NDC80: variants seen among roughly 807,000 people sequenced by gnomAD.
NDC80 encodes the protein kinetochore protein NDC80 homolog.
In NDC80, 69 loss-of-function variants were observed where a neutral mutation model predicts 89.3. The ratio of observed to expected loss-of-function variants is 0.77; its 90% CI spans 0.64 to 0.94. NDC80 has a LOEUF of 0.94. Ranked by LOEUF, NDC80 falls within the 40% of genes least tolerant of loss-of-function variation. NDC80 has a pLI of 0.00. For missense variants in NDC80, 593 were observed against 739.6 expected (o/e 0.80, Z 2.30); for synonymous variants, 243 against 255.6 (o/e 0.95, Z 0.47).
intron 6 of NDC80, among the ~76,000 whole-genome samples, chr18:2,584,287 CAAA>C (rs11297697): frequency 1.0e-5 from 1 of 98,410 alleles, no homozygotes; most frequent in Non-Finnish European, 2.2e-5. Context: ...GACTCCGTCT[CAAA>C]AAAAAAAAAA....
chr18:2,610,870 GT>G lies in NDC80; in HGVS notation c.1791+10del, dbSNP rs772946527. 2 of 1,459,776 alleles carry G rather than the reference GT, an allele frequency of 1.4e-6. No homozygotes were observed. The highest frequency in any genetic ancestry group is 4.0e-5 in the Admixed American group (2 of 49,800). The allele number at this position is 1,459,776 out of a possible 1,614,324, so 90.4% of individuals were successfully genotyped here. On this transcript the variant is annotated intron_variant, in intron 16 of 16. Coordinates refer to ENST00000261597, the MANE Select transcript of NDC80 (RefSeq NM_006101.3). ...ATGTTGGGTCTGTAGAGGTAAGTAT[GT>G]GATGGTCTTTCCTACGTTCTAAGAA...
chr18:2,590,913 G>GTT (rs11452425), intron 10 of NDC80, among the ~76,000 whole-genome samples: 9 of 151,830 alleles, frequency 5.9e-5, no homozygotes, highest in Admixed American at 1.3e-4. Flanking sequence ...AGATTCTTTT[G>GTT]TTTTTTTTGA....
chr18:2,587,803 G>C, intron 7 of NDC80, 27 bp from the exon 8 acceptor site: 1 of 1,562,896 alleles, frequency 6.4e-7, no homozygotes, highest in Non-Finnish European at 8.8e-7. Context: ...TCATAACTTT[G>C]TTTCTAAAAT....
In NDC80 at chr18:2,590,087, A is replaced by G. The variant is rs144356414; in HGVS notation, c.940A>G (p.Met314Val). ...AGATGTTCAAAAGTATCAGGCATAC[A>G]TGAGCAATTTGGAGTCTCATTCAGC... ...QGDVQKYQAY[M>V]SNLESHSAIL... Residue 314 changes from methionine (M) to valine (V), a missense_variant, in exon 10 of 17, where the codon ATG becomes GTG. Transcript: ENST00000261597. 1.7e-5 allele frequency: 28 copies of G among 1,612,912 alleles called. No homozygotes were observed. The Admixed American group carries it at 2.0e-4, about 12-fold the overall frequency.
chr18:2,595,349 C>A, intron 10 of NDC80, 67 bp from the exon 11 acceptor site: 3 of 1,086,370 alleles, frequency 2.8e-6, no homozygotes, highest in Non-Finnish European at 4.1e-6. Context: ...AGCTCTATTA[C>A]ATGATGGCAT....
In NDC80 at chr18:2,589,845, A is replaced by G. The variant is rs542560195; in HGVS notation, c.871-173A>G. On this transcript the variant is annotated intron_variant, in intron 9 of 16. Coordinates refer to ENST00000261597, the MANE Select transcript of NDC80 (RefSeq NM_006101.3). ...GCAATTGTGGTTTTTTTTTTTTTCT[A>G]TTTCAAACTGACAGTGTAGTCCCCT... 3.5e-5 allele frequency among the ~76,000 whole-genome samples: 5 copies of G among 141,354 alleles called. No individual in the cohort carries two copies. The South Asian group carries it at 1.1e-3, about 32-fold the overall frequency. The allele number at this position is 141,354 out of a possible 152,430, so 92.7% of individuals were successfully genotyped here.
chr18:2,586,717 G>A (rs1448259761), intron 7 of NDC80, among the ~76,000 whole-genome samples: 1 of 80,670 alleles, frequency 1.2e-5, no homozygotes, highest in East Asian at 3.7e-4. Flanking sequence ...GTGACAAAGT[G>A]AGACCCTGTC....
In NDC80 at chr18:2,610,766, C is replaced by G. The variant is rs190623140; in HGVS notation, c.1696C>G (p.Leu566Val). 5 of 1,586,514 alleles carry G rather than the reference C, an allele frequency of 3.2e-6. No individual in the cohort carries two copies. Among genetic ancestry groups the G allele is most frequent in the African/African-American group, 2.7e-5 (2 of 74,324 alleles). ...AGAGTTTTTGTTCTACAGATACCAA[C>G]TAGTTGTGCAAACCACGACTGAAGA... Reference protein sequence around the residue: ...ELDAVQREYQLVVQTTTEERR... With the variant: ...ELDAVQREYQVVVQTTTEERR... Residue 566 changes from leucine to valine, a missense_variant, in exon 16 of 17, where the codon CTA (leucine) becomes GTA (valine). Coordinates refer to ENST00000261597, the MANE Select transcript of NDC80 (RefSeq NM_006101.3).
intron 10 of NDC80, among the ~76,000 whole-genome samples, chr18:2,590,550 T>C (rs901443517): frequency 6.6e-6 from 1 of 152,198 alleles, no homozygotes; most frequent in Non-Finnish European, 1.5e-5. Context: ...TGTACTCTAC[T>C]ACCTGTGTGA....
chr18:2,586,426 A>T (rs2072603344), intron 7 of NDC80, among the ~76,000 whole-genome samples: 2 of 152,144 alleles, frequency 1.3e-5, no homozygotes. Context: ...ACATTACAAC[A>T]TCTATTAAGT....
chr18:2,583,079 A>G (rs1255896088), intron 6 of NDC80, among the ~76,000 whole-genome samples: 2 of 152,220 alleles, frequency 1.3e-5, no homozygotes, highest in Non-Finnish European at 2.9e-5. Context: ...ATGTTTCACA[A>G]TATTAAGAAG....
chr18:2,587,883 C>T lies in NDC80; in HGVS notation c.723C>T (p.Asp241=), dbSNP rs575194732. ...KCYESFMSGA[D]SFDEMNAELQ... is the part of the protein sequence containing the mutation. ...ATGAGAGTTTTATGAGTGGTGCCGA[C>T]AGCTTTGATGAGATGAATGCAGAGC... The change falls in exon 8 of 17, where the codon GAC becomes GAT. Residue 241 remains aspartate, a synonymous_variant. Transcript: ENST00000261597. 3 of 1,613,816 alleles carry T rather than the reference C, an allele frequency of 1.9e-6. No homozygotes were observed. In the African/African-American group the frequency reaches 4.0e-5, roughly 22 times the overall value.
Position 2,608,351 on chromosome 18 carries a change from G to A in NDC80, c.1558-349G>A, listed in dbSNP as rs149826536. Among the ~76,000 whole-genome samples, 285 of 151,916 alleles carry A rather than the reference G, an allele frequency of 1.9e-3. 1 individual carries two copies. The highest frequency in any genetic ancestry group is 6.5e-3 in the African/African-American group (269 of 41,462). On this transcript the variant is annotated intron_variant, in intron 14 of 16. Coordinates refer to ENST00000261597, the MANE Select transcript of NDC80 (RefSeq NM_006101.3). ...CTCATGAGTAACTGGGATTACAGGT[G>A]CATGCCACCATGCCCAACTAATTTT...
At chr18:2,583,128 A>G (rs2072586534) in intron 6 of NDC80, among the ~76,000 whole-genome samples, 1 of 152,244 alleles carries the variant, frequency 6.6e-6, no homozygotes, top group African/African-American at 2.4e-5. Context: ...CAATGAAAAC[A>G]TGATTCAAAT....
chr18:2,593,323 T>C (rs1260323631), intron 10 of NDC80, among the ~76,000 whole-genome samples: 1 of 152,096 alleles, frequency 6.6e-6, no homozygotes. Context: ...ATAAGTCTTA[T>C]CTCATTTTTT....
At chr18:2,614,453 A>AGAGAGAGAGAG (rs1194290545) in intron 16 of NDC80, 1 of 5,910 alleles carries the variant, frequency 1.7e-4, no homozygotes, top group African/African-American at 8.0e-4. Context: ...GAAAGAAAGA[A>AGAGAGAGAGAG]AGAAAGAAAG....
chr18:2,614,210 T>C (rs564734559), intron 16 of NDC80, among the ~76,000 whole-genome samples: 28 of 152,166 alleles, frequency 1.8e-4, no homozygotes, highest in Admixed American at 3.9e-4. Flanking sequence ...AGGCCAAGGC[T>C]GGCGGATCAC....
chr18:2,582,888 T>C (rs2072585375), intron 6 of NDC80: 1 of 152,212 alleles, frequency 6.6e-6, no homozygotes. Flanking sequence ...ACATAATCAG[T>C]CCTTATTACA....
intron 16 of NDC80, among the ~76,000 whole-genome samples, chr18:2,613,484 G>A (rs193155763): frequency 1.1e-3 from 168 of 152,288 alleles, no homozygotes; most frequent in Non-Finnish European, 1.7e-3. Flanking sequence ...CATGAGCATA[G>A]ACATGAAATA....
Sources: allele counts gnomAD v4.1 joint callset (sites outside exome capture counted in the v4.1 genomes callset), GRCh38; gene constraint gnomAD v4.1.1; transcripts MANE v1.5; gene names NCBI Gene and HGNC (gene_info 2026-07-23, HGNC 2026-07-21).